SPHKAP: variants seen among roughly 807,000 people sequenced by gnomAD.
SPHKAP encodes the protein A-kinase anchor protein SPHKAP.
In SPHKAP, 67 loss-of-function variants were observed where a neutral mutation model predicts 137.5. The ratio of observed to expected loss-of-function variants is 0.49; its 90% CI spans 0.40 to 0.60. The LOEUF (loss-of-function observed/expected upper bound fraction) is 0.60, where lower values mean the gene tolerates loss of function less well. SPHKAP is among the 20% of genes least tolerant of loss of function. The pLI is 0.00. For missense variants in SPHKAP, 2,097 were observed against 2,069.3 expected (o/e 1.01, Z -0.26); for synonymous variants, 813 against 785.3 (o/e 1.04, Z -0.59).
intron 3 of SPHKAP, among the ~76,000 whole-genome samples, chr2:228,061,249 T>C (rs1696622861): frequency 7.9e-6 from 1 of 127,266 alleles, no homozygotes; most frequent in African/African-American, 2.8e-5. Flanking sequence ...ATTATCATTA[T>C]TATTTTATTT....
At chr2:228,077,764 G>A (rs1697230493) in intron 3 of SPHKAP, among the ~76,000 whole-genome samples, 1 of 152,174 alleles carries the variant, frequency 6.6e-6, no homozygotes, top group Non-Finnish European at 1.5e-5. Context: ...CTGTTGGGAA[G>A]GCATGATTGG....
chr2:228,021,653 A>T (rs1231062993), intron 6 of SPHKAP, 58 bp downstream of exon 6: 43 of 1,553,446 alleles, frequency 2.8e-5, no homozygotes, highest in Non-Finnish European at 3.4e-5. Context: ...CTGAAATCTC[A>T]CCAAGACATT....
At chr2:228,036,293 C>T (rs956033207) in intron 3 of SPHKAP, among the ~76,000 whole-genome samples, 6 of 152,200 alleles carry the variant, frequency 3.9e-5, no homozygotes, top group Non-Finnish European at 7.3e-5. Context: ...TGCTCCTCAT[C>T]ACTGGCCATC....
intron 3 of SPHKAP, among the ~76,000 whole-genome samples, chr2:228,056,419 T>C (rs1696446197): frequency 6.6e-6 from 1 of 152,028 alleles, no homozygotes; most frequent in African/African-American, 2.4e-5. Flanking sequence ...TCCCTTCTGG[T>C]TGTCTTTGGT....
At chr2:228,105,352 A>T (rs1235061904) in intron 3 of SPHKAP, among the ~76,000 whole-genome samples, 1 of 152,204 alleles carries the variant, frequency 6.6e-6, no homozygotes, top group Non-Finnish European at 1.5e-5. Flanking sequence ...CTATCAAGAT[A>T]ATGTCTCAGC....
intron 7 of SPHKAP, among the ~76,000 whole-genome samples, chr2:228,015,792 C>CA (rs1694559974): frequency 6.6e-6 from 1 of 151,342 alleles, no homozygotes; most frequent in African/African-American, 2.4e-5. Context: ...TAGAAAAAGA[C>CA]AAAAAACAAA....
chr2:228,155,110 G>T (rs1025892548), intron 1 of SPHKAP, among the ~76,000 whole-genome samples: 3 of 151,952 alleles, frequency 2.0e-5, no homozygotes, highest in African/African-American at 7.3e-5. Flanking sequence ...CTGTACCTTT[G>T]CCCAATTCAT....
At chr2:228,053,252 A>T (rs1696321185) in intron 3 of SPHKAP, among the ~76,000 whole-genome samples, 1 of 152,146 alleles carries the variant, frequency 6.6e-6, no homozygotes, top group African/African-American at 2.4e-5. Flanking sequence ...TTTAACCTTT[A>T]TCACCACCCA....
intron 3 of SPHKAP, among the ~76,000 whole-genome samples, chr2:228,059,044 C>T (rs56673278): frequency 0.019 from 2,820 of 152,292 alleles, 86 homozygotes; most frequent in African/African-American, 0.062. Flanking sequence ...GATTGTACGG[C>T]ATGTAACTAT....
At chr2:228,023,810 G>C (rs1694930410) in intron 5 of SPHKAP, among the ~76,000 whole-genome samples, 1 of 152,160 alleles carries the variant, frequency 6.6e-6, no homozygotes, top group Admixed American at 6.5e-5. Context: ...CCAGCGCCAG[G>C]GGTGATCATG....
intron 3 of SPHKAP, among the ~76,000 whole-genome samples, chr2:228,031,328 GGCCATT>G (rs1378108292): frequency 6.6e-6 from 1 of 152,172 alleles, no homozygotes; most frequent in Non-Finnish European, 1.5e-5. Flanking sequence ...GAGGGGTGTT[GGCCATT>G]GCCCAGGCTT....
intron 3 of SPHKAP, among the ~76,000 whole-genome samples, chr2:228,094,015 A>T (rs1407983487): frequency 6.6e-6 from 1 of 152,116 alleles, no homozygotes; most frequent in Non-Finnish European, 1.5e-5. Flanking sequence ...AATTGATACA[A>T]ATGTGAGAAT....
At chr2:228,006,472 G>T (rs1312137682) in intron 7 of SPHKAP, among the ~76,000 whole-genome samples, 1 of 152,064 alleles carries the variant, frequency 6.6e-6, no homozygotes, top group Non-Finnish European at 1.5e-5. Context: ...TAACTTCTTT[G>T]CCATGGTTTC....
intron 1 of SPHKAP, among the ~76,000 whole-genome samples, chr2:228,138,063 G>C (rs569770517): frequency 1.3e-5 from 2 of 152,272 alleles, no homozygotes; most frequent in South Asian, 4.1e-4. Context: ...ACCTTGGCCT[G>C]CTGAGCCCAG....
chr2:228,022,689 T>C (rs1470309721), intron 5 of SPHKAP, among the ~76,000 whole-genome samples: 1 of 152,158 alleles, frequency 6.6e-6, no homozygotes, highest in African/African-American at 2.4e-5. Context: ...GATTAAATGC[T>C]CTAAGAAAAG....
intron 11 of SPHKAP, among the ~76,000 whole-genome samples, chr2:227,987,228 T>C (rs1559333460): frequency 6.6e-6 from 1 of 152,236 alleles, no homozygotes; most frequent in Non-Finnish European, 1.5e-5. Flanking sequence ...TGTGAATAAA[T>C]GTCTGTCCCA....
chr2:228,027,514 C>T lies in SPHKAP; in HGVS notation c.276G>A (p.Lys92=). 1 of 1,613,982 alleles carries T rather than the reference C, an allele frequency of 6.2e-7. No individual in the cohort carries two copies. The highest frequency in any genetic ancestry group is 1.3e-5 in the African/African-American group (1 of 75,030). Residue 92 remains lysine (K), a synonymous_variant, in exon 4 of 12, where the codon AAG becomes AAA. Coordinates refer to ENST00000392056, the MANE Select transcript of SPHKAP (RefSeq NM_001142644.2). ...GCAGGTGCTCTGTGCTGCATTCATC[C>T]TTGTTCACATCAAGATTCACAAAGC... ...SVCFVNLDVN[K]DECSTEHLQQ... is the part of the protein sequence containing the mutation.
chr2:228,098,155 A>T (rs937993399), intron 3 of SPHKAP, among the ~76,000 whole-genome samples: 2 of 151,112 alleles, frequency 1.3e-5, no homozygotes, highest in Non-Finnish European at 3.0e-5. Context: ...TTTTTTTTTT[A>T]AATCTTAACA....
Position 228,017,101 on chromosome 2 carries a change from C to G in SPHKAP, c.3753G>C (p.Val1251=). Residue 1251 remains valine (V), a synonymous_variant, in exon 7 of 12, where the codon GTG becomes GTC. Coordinates refer to ENST00000392056, the MANE Select transcript of SPHKAP (RefSeq NM_001142644.2). ...AAGAGTTGGCTTTGATGGGCACATT[C>G]ACTGTCAGCCTGGAGCATGGGGATC... The part of the protein sequence containing the change: ...DSRSPCSRLT[V]NVPIKANSLD... The G allele has an allele frequency of 6.2e-7, 1 of 1,614,076 alleles. No homozygotes were observed. Among genetic ancestry groups the G allele is most frequent in the Non-Finnish European group, 8.5e-7 (1 of 1,180,020 alleles).
Sources: allele counts gnomAD v4.1 joint callset (sites outside exome capture counted in the v4.1 genomes callset), GRCh38; gene constraint gnomAD v4.1.1; transcripts MANE v1.5; gene names NCBI Gene and HGNC (gene_info 2026-07-23, HGNC 2026-07-21).